GRIA4: variants seen among roughly 807,000 people sequenced by gnomAD.
GRIA4 encodes glutamate receptor 4.
A neutral mutation model predicts 104.0 loss-of-function variants in GRIA4; 34 were observed. The ratio of observed to expected loss-of-function variants is 0.33; its 90% CI spans 0.25 to 0.44. The LOEUF is 0.44. GRIA4 is among the 20% of genes least tolerant of loss of function. The pLI, the probability that GRIA4 is intolerant of heterozygous loss-of-function variation, is 1.00. For missense variants in GRIA4, 750 were observed against 1,096.5 expected (o/e 0.68, Z 4.46); for synonymous variants, 386 against 381.9 (o/e 1.01, Z -0.13).
chr11:105,955,372 T>C (rs1469112813), intron 14 of GRIA4, among the ~76,000 whole-genome samples: 2 of 152,094 alleles, frequency 1.3e-5, no homozygotes, highest in Non-Finnish European at 2.9e-5. Context: ...GAACATGTGG[T>C]GTTTTGTTTT....
chr11:105,766,409 T>C (rs1940943888), intron 4 of GRIA4, among the ~76,000 whole-genome samples: 1 of 152,198 alleles, frequency 6.6e-6, no homozygotes, highest in Admixed American at 6.5e-5. Flanking sequence ...ATAATGGATT[T>C]TCACTTATCT....
intron 4 of GRIA4, among the ~76,000 whole-genome samples, chr11:105,859,928 T>C (rs1450093227): frequency 6.6e-6 from 1 of 152,110 alleles, no homozygotes; most frequent in Non-Finnish European, 1.5e-5. Flanking sequence ...AAATGAGGCA[T>C]GAACATATAT....
At chr11:105,973,450 G>A (rs892510873) in intron 15 of GRIA4, among the ~76,000 whole-genome samples, 1 of 151,774 alleles carries the variant, frequency 6.6e-6, no homozygotes, top group East Asian at 1.9e-4. Context: ...GATTTATTAC[G>A]AGATTATATG....
At chr11:105,639,162 A>G (rs1057118500) in intron 3 of GRIA4, among the ~76,000 whole-genome samples, 4 of 152,128 alleles carry the variant, frequency 2.6e-5, no homozygotes, top group Non-Finnish European at 5.9e-5. Flanking sequence ...TATTCATGCT[A>G]TGTCAGATCT....
intron 14 of GRIA4, among the ~76,000 whole-genome samples, chr11:105,954,468 A>G (rs1337542224): frequency 6.6e-6 from 1 of 152,170 alleles, no homozygotes; most frequent in African/African-American, 2.4e-5. Context: ...AACAAATGCA[A>G]TTTAAGTTCA....
intron 15 of GRIA4, 119 bp from the exon 16 acceptor site, chr11:105,974,191 T>G: frequency 1.0e-6 from 1 of 962,766 alleles, no homozygotes; most frequent in Non-Finnish European, 1.6e-6. Context: ...CTTATACTTG[T>G]AAATCATTTC....
chr11:105,657,241 T>C (rs1951871380), intron 3 of GRIA4, among the ~76,000 whole-genome samples: 1 of 152,002 alleles, frequency 6.6e-6, no homozygotes, highest in Non-Finnish European at 1.5e-5. Context: ...TTCTCAGCCA[T>C]TTTATCTGCA....
intron 4 of GRIA4, chr11:105,798,029 A>G: frequency 1.2e-5 from 4 of 324,892 alleles, no homozygotes; most frequent in Non-Finnish European, 1.8e-5. Flanking sequence ...AGATTCAGCA[A>G]TAATAACACT....
intron 16 of GRIA4, 122 bp from the exon 17 acceptor site, chr11:105,979,453 C>G: frequency 2.3e-6 from 2 of 851,664 alleles, no homozygotes; most frequent in Non-Finnish European, 3.7e-6. Flanking sequence ...ACCAAAAGAA[C>G]ATGGAAAAAA....
At chr11:105,673,942 T>G (rs1434828372) in intron 3 of GRIA4, among the ~76,000 whole-genome samples, 1 of 152,038 alleles carries the variant, frequency 6.6e-6, no homozygotes, top group East Asian at 1.9e-4. Context: ...TATTTTTAAA[T>G]GCAAATGAAT....
At chr11:105,971,118 T>C (rs1397262174) in intron 14 of GRIA4, among the ~76,000 whole-genome samples, 2 of 152,176 alleles carry the variant, frequency 1.3e-5, no homozygotes, top group Non-Finnish European at 2.9e-5. Context: ...TAAGAATTTG[T>C]GGAATATATT....
chr11:105,959,774 G>C (rs1318639896), intron 14 of GRIA4, among the ~76,000 whole-genome samples: 2 of 152,184 alleles, frequency 1.3e-5, no homozygotes, highest in African/African-American at 4.8e-5. Flanking sequence ...CTGACCCTTG[G>C]ATGGGGTGTT....
intron 16 of GRIA4, among the ~76,000 whole-genome samples, chr11:105,976,413 G>T (rs1423183051): frequency 6.6e-6 from 1 of 151,934 alleles, no homozygotes; most frequent in African/African-American, 2.4e-5. Flanking sequence ...TGTTTTTGGA[G>T]TCACAACTTG....
chr11:105,689,476 A>G lies in GRIA4; in HGVS notation c.248-63505A>G, dbSNP rs529090703. Among the ~76,000 whole-genome samples, 66 of 152,312 alleles carry G rather than the reference A, an allele frequency of 4.3e-4. 1 individual carries two copies. The highest frequency in any genetic ancestry group is 1.1e-3 in the Admixed American group (17 of 15,296). The stretch of plus-strand genomic sequence containing the variant: ...AGTCTCAGTTCTATTGTAAAACCAC[A>G]TGATAGGAAATTGAACTGAATTATG... On this transcript the variant is annotated intron_variant, in intron 3 of 16. Transcript: ENST00000282499.
At chr11:105,719,012 T>C (rs1954201863) in intron 3 of GRIA4, among the ~76,000 whole-genome samples, 1 of 152,238 alleles carries the variant, frequency 6.6e-6, no homozygotes, top group African/African-American at 2.4e-5. Context: ...CACGAAGCAC[T>C]TATTCTTAAA....
chr11:105,668,217 CAT>C (rs200182907), intron 3 of GRIA4, among the ~76,000 whole-genome samples: 7 of 21,586 alleles, frequency 3.2e-4, no homozygotes, highest in Middle Eastern at 0.024. Context: ...CACACACACA[CAT>C]ATAATATATA....
chr11:105,894,516 G>A (rs376553204), intron 6 of GRIA4, among the ~76,000 whole-genome samples: 2 of 152,138 alleles, frequency 1.3e-5, no homozygotes, highest in African/African-American at 4.8e-5. Context: ...CTGTTAGCTC[G>A]TATACCTGGG....
chr11:105,653,163 G>A lies in GRIA4; in HGVS notation c.247+40729G>A, dbSNP rs113941128. ...CCTGACCTTGTGATCTGCCCGCCTC[G>A]GCCTCCCAAAGTCCTGGGATTACAG... On this transcript the variant is annotated intron_variant, in intron 3 of 16. Coordinates refer to ENST00000282499, the MANE Select transcript of GRIA4 (RefSeq NM_000829.4). 4.5e-3 allele frequency among the ~76,000 whole-genome samples: 678 copies of A among 152,204 alleles called. 6 individuals are homozygous for A. The highest frequency in any genetic ancestry group is 0.015 in the African/African-American group (643 of 41,530).
chr11:105,936,734 C>T (rs560072934), intron 14 of GRIA4, among the ~76,000 whole-genome samples: 12 of 152,202 alleles, frequency 7.9e-5, no homozygotes, highest in African/African-American at 2.6e-4. Context: ...GTATTTAATG[C>T]AGACTTTAAA....
Sources: allele counts gnomAD v4.1 joint callset (sites outside exome capture counted in the v4.1 genomes callset), GRCh38; gene constraint gnomAD v4.1.1; transcripts MANE v1.5; gene names NCBI Gene and HGNC (gene_info 2026-07-23, HGNC 2026-07-21).